The following AFG2A variants were observed in gnomAD, a reference collection of about 807,000 sequenced individuals.
The protein encoded by AFG2A is AAA ATPase AFG2A, also known as ATPase family gene 2 protein homolog A.
the AFG2A span, among the ~76,000 whole-genome samples, chr4:122,951,405 G>T: frequency 6.8e-6 from 1 of 147,330 alleles, no homozygotes; most frequent in Non-Finnish European, 1.5e-5. Context: ...ACTAAGGGAT[G>T]ACTGTATCCT....
chr4:123,294,638 G>A, the AFG2A span, among the ~76,000 whole-genome samples: 2 of 152,292 alleles, frequency 1.3e-5, no homozygotes, highest in African/African-American at 2.4e-5. Context: ...ACTATACTCT[G>A]AAACACTGAG....
the AFG2A span, chr4:123,315,900 T>TCC: frequency 3.9e-5 from 6 of 152,224 alleles, no homozygotes; most frequent in African/African-American, 1.4e-4. Flanking sequence ...TGACTCAGCC[T>TCC]CCTGAGTAGC....
the AFG2A span, chr4:122,923,141 C>G: frequency 6.2e-7 from 1 of 1,614,020 alleles, no homozygotes; most frequent in South Asian, 1.1e-5. Flanking sequence ...TACCTTGTGA[C>G]CATGTCTTCC....
At chr4:122,980,701 G>A in the AFG2A span, among the ~76,000 whole-genome samples, 24,708 of 152,018 alleles carry the variant, frequency 0.16, 2,445 homozygotes, top group East Asian at 0.45. Context: ...CAGATGTGAG[G>A]TGATATCTCA....
the AFG2A span, among the ~76,000 whole-genome samples, chr4:123,174,827 A>T: frequency 7.0e-6 from 1 of 142,390 alleles, no homozygotes; most frequent in African/African-American, 2.7e-5. Flanking sequence ...TTTAAAAAAA[A>T]TATATATATA....
At chr4:122,934,786 A>G in the AFG2A span, 1 of 1,518,564 alleles carries the variant, frequency 6.6e-7, no homozygotes, top group Non-Finnish European at 8.8e-7. Flanking sequence ...AATTCAAATT[A>G]AAAGACAGTT....
At chr4:122,970,685 C>G in the AFG2A span, among the ~76,000 whole-genome samples, 1 of 150,366 alleles carries the variant, frequency 6.7e-6, no homozygotes, top group Non-Finnish European at 1.5e-5. Flanking sequence ...TAGGCTATAC[C>G]ATATAGCCTA....
chr4:122,971,869 G>A, the AFG2A span, among the ~76,000 whole-genome samples: 2 of 152,142 alleles, frequency 1.3e-5, no homozygotes, highest in East Asian at 3.8e-4. Flanking sequence ...CTGTAATAGA[G>A]CCAAGTTGTC....
the AFG2A span, among the ~76,000 whole-genome samples, chr4:123,221,153 T>G: frequency 1.3e-5 from 2 of 152,048 alleles, no homozygotes; most frequent in African/African-American, 4.8e-5. Flanking sequence ...GTGAGTTTTT[T>G]GTTGTTGTTT....
the AFG2A span, among the ~76,000 whole-genome samples, chr4:123,143,924 C>A: frequency 6.6e-6 from 1 of 150,660 alleles, no homozygotes; most frequent in East Asian, 2.0e-4. Context: ...GCCTCACCAG[C>A]AACAGACTAC....
chr4:123,135,922 AACCAGT>A, the AFG2A span, among the ~76,000 whole-genome samples: 1 of 152,164 alleles, frequency 6.6e-6, no homozygotes, highest in Non-Finnish European at 1.5e-5. Context: ...AACCTACACA[AACCAGT>A]AGCATTTTGT....
At chr4:123,077,469 T>C in the AFG2A span, among the ~76,000 whole-genome samples, 2 of 152,144 alleles carry the variant, frequency 1.3e-5, no homozygotes, top group Admixed American at 1.3e-4. Context: ...CACAGTTGCA[T>C]GGATACTGGC....
chr4:123,080,592 C>T, the AFG2A span, among the ~76,000 whole-genome samples: 4 of 152,008 alleles, frequency 2.6e-5, no homozygotes, highest in East Asian at 1.9e-4. Context: ...TATTTTTTCT[C>T]GGTGATCTAT....
At chr4:123,091,355 T>A in the AFG2A span, among the ~76,000 whole-genome samples, 1 of 152,374 alleles carries the variant, frequency 6.6e-6, no homozygotes, top group Non-Finnish European at 1.5e-5. Context: ...TTTTATTGCT[T>A]ATGATTCAGT....
the AFG2A span, among the ~76,000 whole-genome samples, chr4:123,302,566 C>T: frequency 7.2e-6 from 1 of 138,366 alleles, no homozygotes; most frequent in African/African-American, 2.5e-5. Flanking sequence ...TCAAAGATGA[C>T]CTTAGCAGGA....
chr4:123,149,700 GT>G, the AFG2A span, among the ~76,000 whole-genome samples: 1 of 150,596 alleles, frequency 6.6e-6, no homozygotes, highest in African/African-American at 2.5e-5. Flanking sequence ...GAACTGTGCT[GT>G]TCATTTCAAT....
the AFG2A span, among the ~76,000 whole-genome samples, chr4:123,237,347 C>T: frequency 4.6e-5 from 7 of 152,040 alleles, no homozygotes; most frequent in Non-Finnish European, 7.4e-5. Flanking sequence ...TGAGATGTTT[C>T]TAGTTGTTTG....
At chr4:123,225,819 G>A in the AFG2A span, among the ~76,000 whole-genome samples, 8 of 152,198 alleles carry the variant, frequency 5.3e-5, no homozygotes, top group East Asian at 3.9e-4. Flanking sequence ...CCATTTTCAC[G>A]ATATTGATTC....
chr4:123,277,382 A>G, the AFG2A span, among the ~76,000 whole-genome samples: 46 of 152,168 alleles, frequency 3.0e-4, no homozygotes, highest in African/African-American at 1.1e-3. Context: ...TTGGGCTGAG[A>G]CTATGGGGGT....
Sources: gnomAD v4.1 joint callset for allele counts (sites outside exome capture counted in the v4.1 genomes callset) on GRCh38, gnomAD v4.1.1 for gene constraint, MANE v1.5 for transcripts, NCBI Gene and HGNC (gene_info 2026-07-23, HGNC 2026-07-21) for gene names.